Variants in CIMIP5 observed in about 807,000 individuals in gnomAD.
CIMIP5 encodes uncharacterized protein C2orf50.
the CIMIP5 span, chr2:11,133,693 A>G: frequency 6.8e-7 from 1 of 1,464,530 alleles, no homozygotes; most frequent in Non-Finnish European, 9.0e-7. Context: ...GATCTGGCTG[A>G]GGGACAGAGG....
At chr2:11,147,821 C>T in the CIMIP5 span, among the ~76,000 whole-genome samples, 22,941 of 152,162 alleles carry the variant, frequency 0.15, 5,002 homozygotes, top group African/African-American at 0.48. Flanking sequence ...TGCTTCTAAC[C>T]TTCCCCATCT....
At chr2:11,153,924 CA>C in the CIMIP5 span, among the ~76,000 whole-genome samples, 54,522 of 139,290 alleles carry the variant, frequency 0.39, 10,413 homozygotes, top group South Asian at 0.51. Flanking sequence ...AACTCCGTCT[CA>C]AAAAAAAAAA....
chr2:11,133,562 G>A, the CIMIP5 span: 1 of 1,605,048 alleles, frequency 6.2e-7, no homozygotes, highest in Non-Finnish European at 8.5e-7. Flanking sequence ...GGGAGCTCCT[G>A]GAGGCCGAGC....
chr2:11,134,855 A>C, the CIMIP5 span, among the ~76,000 whole-genome samples: 1 of 152,190 alleles, frequency 6.6e-6, no homozygotes, highest in Non-Finnish European at 1.5e-5. Flanking sequence ...AGGCTGGGTA[A>C]TTTATAAAGA....
chr2:11,144,738 A>G, the CIMIP5 span: 1 of 151,908 alleles, frequency 6.6e-6, no homozygotes, highest in Non-Finnish European at 1.5e-5. Flanking sequence ...TGAAGCCAGC[A>G]TCCTAGCATC....
the CIMIP5 span, chr2:11,144,123 G>T: frequency 6.4e-7 from 1 of 1,558,182 alleles, no homozygotes; most frequent in Non-Finnish European, 8.7e-7. Flanking sequence ...AGCAAGGAGG[G>T]CTGGGCTGGC....
the CIMIP5 span, among the ~76,000 whole-genome samples, chr2:11,133,962 A>T: frequency 6.6e-6 from 1 of 152,072 alleles, no homozygotes; most frequent in Non-Finnish European, 1.5e-5. Context: ...AACCAAAAAT[A>T]CCCATGAGCC....
chr2:11,152,558 C>G, the CIMIP5 span, among the ~76,000 whole-genome samples: 9 of 152,192 alleles, frequency 5.9e-5, no homozygotes, highest in Non-Finnish European at 1.3e-4. Context: ...TCACTCTGTG[C>G]AGCTGTGGCC....
At chr2:11,140,374 TAAAAAAAAA>T in the CIMIP5 span, 35 of 280,418 alleles carry the variant, frequency 1.2e-4, no homozygotes, top group Middle Eastern at 2.2e-3. Context: ...GCCTCCGTCT[TAAAAAAAAA>T]AAAAAAAAAA....
the CIMIP5 span, chr2:11,146,149 G>C: frequency 6.6e-6 from 1 of 152,144 alleles, no homozygotes; most frequent in African/African-American, 2.4e-5. Flanking sequence ...TGCTTGCTTG[G>C]GTCTTATTCG....
the CIMIP5 span, among the ~76,000 whole-genome samples, chr2:11,136,511 C>G: frequency 6.6e-6 from 1 of 152,146 alleles, no homozygotes; most frequent in African/African-American, 2.4e-5. Flanking sequence ...CTAGATGGAG[C>G]TGCCCAGGAG....
At chr2:11,134,035 C>G in the CIMIP5 span, among the ~76,000 whole-genome samples, 35 of 152,110 alleles carry the variant, frequency 2.3e-4, no homozygotes, top group Non-Finnish European at 4.6e-4. Context: ...CTCCACCGAG[C>G]CTTCATACTC....
At chr2:11,140,603 C>T in the CIMIP5 span, 1 of 1,359,060 alleles carries the variant, frequency 7.4e-7, no homozygotes, top group Admixed American at 1.8e-5. Flanking sequence ...ATTACTCATT[C>T]TTTCCATCAT....
At chr2:11,144,280 T>C in the CIMIP5 span, 1 of 472,298 alleles carries the variant, frequency 2.1e-6, no homozygotes, top group Non-Finnish European at 3.7e-6. Flanking sequence ...TTACACACTT[T>C]TTACACGTAA....
At chr2:11,143,550 T>C in the CIMIP5 span, among the ~76,000 whole-genome samples, 1 of 147,878 alleles carries the variant, frequency 6.8e-6, no homozygotes, top group Non-Finnish European at 1.5e-5. Flanking sequence ...AATGTTATAC[T>C]CTTAAGTACA....
the CIMIP5 span, among the ~76,000 whole-genome samples, chr2:11,136,146 C>T: frequency 6.6e-6 from 1 of 152,062 alleles, no homozygotes; most frequent in Non-Finnish European, 1.5e-5. Flanking sequence ...GTAATCCCAT[C>T]TGTCTATCTG....
the CIMIP5 span, among the ~76,000 whole-genome samples, chr2:11,151,552 C>T: frequency 1.2e-4 from 19 of 152,332 alleles, no homozygotes; most frequent in African/African-American, 3.4e-4. Context: ...GCCAGCTGTG[C>T]GGGAGATTGG....
At chr2:11,148,730 C>CTTTTTTT in the CIMIP5 span, among the ~76,000 whole-genome samples, 11 of 63,864 alleles carry the variant, frequency 1.7e-4, no homozygotes, top group African/African-American at 9.7e-4. Context: ...CTAATGAAAA[C>CTTTTTTT]TCTTTTTTTT....
the CIMIP5 span, among the ~76,000 whole-genome samples, chr2:11,137,342 C>T: frequency 2.6e-5 from 4 of 152,160 alleles, no homozygotes; most frequent in South Asian, 2.1e-4. Flanking sequence ...CCACTGCACT[C>T]CAGCCTGGGT....
Sources: allele counts gnomAD v4.1 joint callset (sites outside exome capture counted in the v4.1 genomes callset), GRCh38; gene constraint gnomAD v4.1.1; transcripts MANE v1.5; gene names NCBI Gene and HGNC (gene_info 2026-07-23, HGNC 2026-07-21).